PKP2: variants seen among roughly 807,000 people sequenced by gnomAD.
PKP2 encodes the protein plakophilin 2.
Under a neutral mutation model 83.4 loss-of-function variants are expected in PKP2, and 73 were observed. The observed-to-expected ratio is 0.88, with a 90% CI of 0.72 to 1.06. The LOEUF (loss-of-function observed/expected upper bound fraction) is 1.06, where lower values mean the gene tolerates loss of function less well. PKP2 is among the 50% of genes least tolerant of loss of function. The probability of loss-of-function intolerance (pLI) is 0.00; values close to 1 mark genes in which losing one functional copy is unlikely to be tolerated. For missense variants in PKP2, 966 were observed against 1,065.4 expected (o/e 0.91, Z 1.30); for synonymous variants, 409 against 430.4 (o/e 0.95, Z 0.62).
At chr12:32,856,309 G>A (rs1956747410) in intron 4 of PKP2, among the ~76,000 whole-genome samples, 1 of 152,164 alleles carries the variant, frequency 6.6e-6, no homozygotes, top group South Asian at 2.1e-4. Flanking sequence ...TGGGGGCTGT[G>A]AAGCATGAGA....
Position 32,896,489 on chromosome 12 carries a change from G to A in PKP2, c.223+20C>T, listed in dbSNP as rs1957125333. ...GTGTGGGGCAGGGGGCGGCGCCGGG[G>A]AGCGGCGGGCTCCACTCACCGTTGC... On this transcript the variant is annotated intron_variant, in intron 1 of 12. Transcript: ENST00000340811. 1 of 1,457,404 alleles carries A rather than the reference G, an allele frequency of 6.9e-7. No homozygotes were observed. The highest frequency in any genetic ancestry group is 9.1e-7 in the Non-Finnish European group (1 of 1,102,438). 90.3% of individuals were successfully genotyped at this position (1,457,404 alleles called of 1,614,324 possible).
chr12:32,799,600 G>C (rs1159211430), intron 10 of PKP2, among the ~76,000 whole-genome samples: 1 of 152,174 alleles, frequency 6.6e-6, no homozygotes, highest in African/African-American at 2.4e-5. Flanking sequence ...ATACTACTCA[G>C]CCATTAAAAA....
intron 5 of PKP2, among the ~76,000 whole-genome samples, chr12:32,849,005 TA>T (rs397850139): frequency 0.016 from 1,996 of 122,946 alleles, 27 homozygotes; most frequent in African/African-American, 0.044. Flanking sequence ...ATTACACAGT[TA>T]AAAAAAAAAA....
intron 9 of PKP2, among the ~76,000 whole-genome samples, chr12:32,819,888 C>A (rs201165321): frequency 3.9e-4 from 2 of 5,068 alleles, no homozygotes; most frequent in South Asian, 7.6e-3. Context: ...ACACACAACC[C>A]CCCCCCCCCC....
intron 9 of PKP2, among the ~76,000 whole-genome samples, chr12:32,818,289 C>T (rs1217162052): frequency 2.6e-5 from 4 of 152,070 alleles, no homozygotes; most frequent in African/African-American, 2.4e-5. Context: ...TGGTGAAACC[C>T]GTCTCTACTA....
rs781397552 is a variant in PKP2 at position 32,843,243 on chromosome 12, A to G, written c.1379-2038T>C. 7.7e-5 allele frequency: 76 copies of G among 982,852 alleles called. No homozygotes were observed. The highest frequency in any genetic ancestry group is 1.1e-4 in the Non-Finnish European group (72 of 678,274). 60.9% of individuals were successfully genotyped at this position (982,852 alleles called of 1,614,324 possible). A position where few individuals can be genotyped will look rare whatever the true frequency, so the allele number is the denominator to read the frequency against. On this transcript the variant is annotated intron_variant, in intron 5 of 12. Coordinates refer to ENST00000340811, the MANE Select transcript of PKP2 (RefSeq NM_001005242.3). The stretch of plus-strand genomic sequence containing the variant: ...TGATCCGCCCGCCTTGGCCTCCCAA[A>G]GTGCTGGGATTACAGGCGTGAGCCA...
chr12:32,809,322 C>T (rs1470244332), intron 9 of PKP2, among the ~76,000 whole-genome samples: 1 of 152,202 alleles, frequency 6.6e-6, no homozygotes, highest in African/African-American at 2.4e-5. Flanking sequence ...AGCAGCTGTG[C>T]TGTGTTGGGG....
intron 4 of PKP2, among the ~76,000 whole-genome samples, chr12:32,857,448 G>C (rs1277070780): frequency 1.3e-5 from 2 of 151,890 alleles, no homozygotes; most frequent in Admixed American, 1.3e-4. Context: ...AAAAGAGAGA[G>C]AGAGAGAGAT....
intron 6 of PKP2, among the ~76,000 whole-genome samples, chr12:32,836,006 G>A (rs1053213339): frequency 1.3e-5 from 2 of 152,170 alleles, no homozygotes; most frequent in African/African-American, 4.8e-5. Flanking sequence ...CCAACATGAT[G>A]TCACTGAACA....
intron 1 of PKP2, among the ~76,000 whole-genome samples, chr12:32,879,831 CAAA>C (rs79905789): frequency 1.9e-4 from 10 of 54,042 alleles, no homozygotes; most frequent in African/African-American, 4.7e-4. Context: ...AACTCTGTCT[CAAA>C]AAAAAAAAAA....
chr12:32,850,551 G>A (rs1956686334), intron 5 of PKP2, among the ~76,000 whole-genome samples: 2 of 150,536 alleles, frequency 1.3e-5, no homozygotes, highest in African/African-American at 4.9e-5. Context: ...GGGTGATAGA[G>A]CAAGATTCTG....
At chr12:32,818,825 G>A (rs1956344600) in intron 9 of PKP2, among the ~76,000 whole-genome samples, 1 of 152,106 alleles carries the variant, frequency 6.6e-6, no homozygotes, top group Non-Finnish European at 1.5e-5. Flanking sequence ...CTGGTACTAT[G>A]TGTATGACCT....
intron 11 of PKP2, among the ~76,000 whole-genome samples, chr12:32,795,130 C>T (rs1447248546): frequency 1.3e-5 from 2 of 151,888 alleles, no homozygotes; most frequent in East Asian, 3.9e-4. Context: ...TTTCCAATCT[C>T]ATCACTCTAA....
At chr12:32,888,199 C>T (rs1015163560) in intron 1 of PKP2, among the ~76,000 whole-genome samples, 1 of 152,146 alleles carries the variant, frequency 6.6e-6, no homozygotes, top group Non-Finnish European at 1.5e-5. Flanking sequence ...ATACACTGTT[C>T]ATTTCTGTAA....
At chr12:32,888,108 G>C (rs1957046316) in intron 1 of PKP2, among the ~76,000 whole-genome samples, 1 of 152,176 alleles carries the variant, frequency 6.6e-6, no homozygotes, top group Admixed American at 6.5e-5. Flanking sequence ...CTTGAGCCCG[G>C]GGGGCAGAGG....
rs1449967371 is a variant in PKP2 at position 32,791,432 on chromosome 12, T to C, written c.*992A>G. On this transcript the variant is annotated 3_prime_UTR_variant, in exon 13 of 13. Coordinates refer to ENST00000340811, the MANE Select transcript of PKP2 (RefSeq NM_001005242.3). ...CTGGGCTGGCTGATAATGTAACTCATTAACATGAGCCGTATTTTCAGTGCC... is the reference window on the plus strand; with the variant it reads ...CTGGGCTGGCTGATAATGTAACTCACTAACATGAGCCGTATTTTCAGTGCC... 6.6e-6 allele frequency: 1 copy of C among 152,204 alleles called. No individual in the cohort carries two copies. The highest frequency in any genetic ancestry group is 1.5e-5 in the Non-Finnish European group (1 of 68,040). The allele number at this position is 152,204 out of a possible 1,614,324, so 9.4% of individuals were successfully genotyped here. A position where few individuals can be genotyped will look rare whatever the true frequency, so the allele number is the denominator to read the frequency against.
At chr12:32,854,738 CAG>C (rs1371199238) in intron 4 of PKP2, among the ~76,000 whole-genome samples, 1 of 152,174 alleles carries the variant, frequency 6.6e-6, no homozygotes, top group Non-Finnish European at 1.5e-5. Flanking sequence ...CATGAAAGGG[CAG>C]AGTCACATAT....
chr12:32,859,648 G>T (rs990647443), intron 4 of PKP2, among the ~76,000 whole-genome samples: 3 of 152,092 alleles, frequency 2.0e-5, no homozygotes, highest in African/African-American at 7.2e-5. Flanking sequence ...CACAGATGGG[G>T]TTTCACCATG....
At chr12:32,814,005 G>A (rs1004359553) in intron 9 of PKP2, among the ~76,000 whole-genome samples, 1 of 152,070 alleles carries the variant, frequency 6.6e-6, no homozygotes, top group African/African-American at 2.4e-5. Context: ...GCTCTCCTCT[G>A]AGAAGAATCC....
Sources: allele counts gnomAD v4.1 joint callset (sites outside exome capture counted in the v4.1 genomes callset), GRCh38; gene constraint gnomAD v4.1.1; transcripts MANE v1.5; gene names NCBI Gene and HGNC (gene_info 2026-07-23, HGNC 2026-07-21).